Variants in SLC1A2 observed in about 807,000 individuals in gnomAD.
SLC1A2 encodes solute carrier family 1 member 2, also known as excitatory amino acid transporter 2.
Under a neutral mutation model 48.8 loss-of-function variants are expected in SLC1A2, and 15 were observed. That is an observed-to-expected ratio of 0.31 (90% CI 0.21 to 0.47). The LOEUF is 0.47. SLC1A2 is among the 20% of genes least tolerant of loss of function. The pLI, the probability that SLC1A2 is intolerant of heterozygous loss-of-function variation, is 0.99. For missense variants in SLC1A2, 502 were observed against 730.5 expected (o/e 0.69, Z 3.61); for synonymous variants, 279 against 272.6 (o/e 1.02, Z -0.23).
At chr11:35,352,852 T>C (rs927797269) in intron 1 of SLC1A2, among the ~76,000 whole-genome samples, 2 of 152,040 alleles carry the variant, frequency 1.3e-5, no homozygotes, top group African/African-American at 2.4e-5. Flanking sequence ...GAGGGGAGGT[T>C]TGAGCAGGAA....
chr11:35,321,682 T>C (rs1016315656), intron 1 of SLC1A2, among the ~76,000 whole-genome samples: 6 of 151,988 alleles, frequency 3.9e-5, no homozygotes, highest in African/African-American at 1.4e-4. Flanking sequence ...AAGAGGTGAG[T>C]TGGATACAGA....
intron 1 of SLC1A2, among the ~76,000 whole-genome samples, chr11:35,364,997 C>G (rs186427241): frequency 6.6e-6 from 1 of 152,246 alleles, no homozygotes; most frequent in South Asian, 2.1e-4. Flanking sequence ...ACAGCCAATG[C>G]GTTTTAGAGT....
chr11:35,353,469 A>AC, intron 1 of SLC1A2, among the ~76,000 whole-genome samples: 1 of 152,174 alleles, frequency 6.6e-6, no homozygotes, highest in Non-Finnish European at 1.5e-5. Flanking sequence ...ATCATCCCCC[A>AC]CTAGACTGTA....
intron 4 of SLC1A2, among the ~76,000 whole-genome samples, chr11:35,311,793 T>TA (rs1851695376): frequency 6.7e-6 from 1 of 149,414 alleles, no homozygotes; most frequent in South Asian, 2.1e-4. Context: ...GCAAGGCTAA[T>TA]AAAAATATGC....
At chr11:35,313,535 T>G (rs551025187) in intron 3 of SLC1A2, among the ~76,000 whole-genome samples, 1 of 152,322 alleles carries the variant, frequency 6.6e-6, no homozygotes, top group South Asian at 2.1e-4. Flanking sequence ...GAACCCCTTT[T>G]TGGGTGTTAG....
intron 1 of SLC1A2, among the ~76,000 whole-genome samples, chr11:35,408,307 G>C (rs1855359456): frequency 6.6e-6 from 1 of 152,152 alleles, no homozygotes; most frequent in South Asian, 2.1e-4. Flanking sequence ...ATATGGTTTG[G>C]CTGTGTCCCC....
chr11:35,349,920 G>A (rs902056960), intron 1 of SLC1A2, among the ~76,000 whole-genome samples: 1 of 152,018 alleles, frequency 6.6e-6, no homozygotes, highest in Non-Finnish European at 1.5e-5. Flanking sequence ...ACCTATGTTC[G>A]GGGTAGTTAC....
At chr11:35,360,639 T>C (rs1048099417) in intron 1 of SLC1A2, among the ~76,000 whole-genome samples, 1 of 152,220 alleles carries the variant, frequency 6.6e-6, no homozygotes, top group African/African-American at 2.4e-5. Context: ...CTTTTCTTGA[T>C]GCTTAAATTC....
At chr11:35,301,391 A>T in intron 6 of SLC1A2, 128 bp downstream of exon 6, 1 of 805,478 alleles carries the variant, frequency 1.2e-6, no homozygotes, top group African/African-American at 1.7e-5. Flanking sequence ...TCCCTTTCTC[A>T]AAGTCTTTCT....
intron 1 of SLC1A2, among the ~76,000 whole-genome samples, chr11:35,393,098 C>T (rs936604908): frequency 6.6e-6 from 1 of 152,142 alleles, no homozygotes; most frequent in Non-Finnish European, 1.5e-5. Context: ...GTATCTGGTC[C>T]TAGATTCAAA....
At chr11:35,286,069 G>C (rs1850810223) in intron 8 of SLC1A2, 1 of 152,136 alleles carries the variant, frequency 6.6e-6, no homozygotes. Context: ...CAGAGTGTTG[G>C]CTTGGCTAGT....
At chr11:35,306,721 A>G (rs1217529294) in intron 4 of SLC1A2, among the ~76,000 whole-genome samples, 1 of 151,636 alleles carries the variant, frequency 6.6e-6, no homozygotes, top group Non-Finnish European at 1.5e-5. Flanking sequence ...TCTGTTATCT[A>G]TTTTTCCACT....
rs553034098 is a variant in SLC1A2 at position 35,397,477 on chromosome 11, T to C, written c.17+21473A>G. 2.2e-3 allele frequency among the ~76,000 whole-genome samples: 335 copies of C among 150,128 alleles called. 1 individual carries two copies. Among genetic ancestry groups the C allele is most frequent in the Middle Eastern group, 0.01 (3 of 294 alleles). ...GTGCTGGGAAAACTGGCTAGCCATA[T>C]GTAGAAAGCTGAAACTGGATCCCTT... On this transcript the variant is annotated intron_variant, in intron 1 of 10. Coordinates refer to ENST00000278379, the MANE Select transcript of SLC1A2 (RefSeq NM_004171.4).
At chr11:35,348,551 G>A (rs1344167667) in intron 1 of SLC1A2, among the ~76,000 whole-genome samples, 1 of 152,096 alleles carries the variant, frequency 6.6e-6, no homozygotes, top group Non-Finnish European at 1.5e-5. Flanking sequence ...GCAGAGGGGA[G>A]GAAGCACATG....
chr11:35,388,160 G>A (rs959104636), intron 1 of SLC1A2, among the ~76,000 whole-genome samples: 3 of 152,206 alleles, frequency 2.0e-5, no homozygotes, highest in Admixed American at 1.3e-4. Flanking sequence ...CCCATTAGGG[G>A]AGTAGGGTTT....
At chr11:35,291,242 A>ATT (rs1850992904) in intron 7 of SLC1A2, 1 of 152,024 alleles carries the variant, frequency 6.6e-6, no homozygotes, top group Non-Finnish European at 1.5e-5. Flanking sequence ...AAAATTCTCA[A>ATT]TTGTAAGGCA....
intron 7 of SLC1A2, among the ~76,000 whole-genome samples, chr11:35,290,508 G>A (rs912116006): frequency 1.3e-5 from 2 of 151,984 alleles, no homozygotes; most frequent in African/African-American, 4.8e-5. Context: ...CTAATTAAAA[G>A]GTTATGACCA....
At chr11:35,316,898 T>C (rs1851900999) in intron 2 of SLC1A2, 1 of 155,176 alleles carries the variant, frequency 6.4e-6, no homozygotes, top group Non-Finnish European at 1.4e-5. Flanking sequence ...CTGACCTCAT[T>C]AGCTAATGTG....
rs531276451 is a variant in SLC1A2, at chr11:35,297,835, C to T, written c.857+3684G>A. 5 of 152,322 alleles carry T rather than the reference C, an allele frequency of 3.3e-5. No individual in the cohort carries two copies. In the South Asian group the frequency reaches 1.0e-3, roughly 32 times the overall value. The allele number at this position is 152,322 out of a possible 1,614,324, so 9.4% of individuals were successfully genotyped here. On this transcript the variant is annotated intron_variant, in intron 6 of 10. Coordinates refer to ENST00000278379, the MANE Select transcript of SLC1A2 (RefSeq NM_004171.4). ...TACTAATCCATGTAAAGTGCTTAGACAGTTCCCAGCACAAAGAAGGTGCTT... is the reference window on the plus strand; with the variant it reads ...TACTAATCCATGTAAAGTGCTTAGATAGTTCCCAGCACAAAGAAGGTGCTT...
Sources: allele counts gnomAD v4.1 joint callset (sites outside exome capture counted in the v4.1 genomes callset), GRCh38; gene constraint gnomAD v4.1.1; transcripts MANE v1.5; gene names NCBI Gene and HGNC (gene_info 2026-07-23, HGNC 2026-07-21).